SEMA3C: variants seen among roughly 807,000 people sequenced by gnomAD.
The protein encoded by SEMA3C is semaphorin 3C.
Under a neutral mutation model 89.4 loss-of-function variants are expected in SEMA3C, and 47 were observed. The ratio of observed to expected loss-of-function variants is 0.53; its 90% confidence interval spans 0.42 to 0.67. The LOEUF is 0.67. Ranked by LOEUF, SEMA3C falls within the 30% of genes least tolerant of loss-of-function variation. The pLI is 0.00. For missense variants in SEMA3C, 839 were observed against 929.1 expected, an observed-to-expected ratio of 0.90 and a Z score of 1.26; for synonymous variants, 310 against 320.2, an observed-to-expected ratio of 0.97 and a Z score of 0.34.
intron 2 of SEMA3C, among the ~76,000 whole-genome samples, chr7:80,898,258 C>T (rs1439506820): frequency 5.3e-5 from 8 of 152,072 alleles, no homozygotes; most frequent in Admixed American, 1.3e-4. Flanking sequence ...CCCAGCTACT[C>T]GGGAGGCTGG....
chr7:80,839,389 A>G (rs901658081), intron 2 of SEMA3C, among the ~76,000 whole-genome samples: 1 of 152,166 alleles, frequency 6.6e-6, no homozygotes, highest in African/African-American at 2.4e-5. Context: ...CAGTGGTTCC[A>G]GGATGGTTAA....
chr7:80,767,953 C>A (rs571825665), intron 12 of SEMA3C, among the ~76,000 whole-genome samples: 2 of 151,982 alleles, frequency 1.3e-5, no homozygotes, highest in Non-Finnish European at 2.9e-5. Flanking sequence ...TAAAACACAG[C>A]AAACTGAAAA....
chr7:80,892,323 T>G (rs1791634578), intron 2 of SEMA3C, among the ~76,000 whole-genome samples: 1 of 152,118 alleles, frequency 6.6e-6, no homozygotes, highest in South Asian at 2.1e-4. Flanking sequence ...TAAAATGTAT[T>G]TACAGAGAGA....
intron 4 of SEMA3C, among the ~76,000 whole-genome samples, chr7:80,818,998 T>C (rs950012285): frequency 1.1e-4 from 17 of 152,196 alleles, no homozygotes; most frequent in Admixed American, 1.1e-3. Flanking sequence ...GCATCCTTAC[T>C]GAGAAAAACA....
At position 80,744,852 on chromosome 7, in the gene SEMA3C, G is replaced by C. The variant is rs369151692; in HGVS notation, c.*42C>G. The C allele has an allele frequency of 6.2e-7, 1 of 1,603,842 alleles. No homozygotes were observed. The highest frequency in any genetic ancestry group is 8.5e-7 in the Non-Finnish European group (1 of 1,171,820). ...GCTCAAAATTTGATCATTGAAGACAGAGCATTTGTTAATGGAAGCATAAGA... is the reference window on the plus strand; with the variant it reads ...GCTCAAAATTTGATCATTGAAGACACAGCATTTGTTAATGGAAGCATAAGA... On this transcript the variant is annotated 3_prime_UTR_variant, in exon 18 of 18. Transcript: ENST00000265361.
chr7:80,882,397 A>C (rs1791363544), intron 2 of SEMA3C, among the ~76,000 whole-genome samples: 1 of 140,386 alleles, frequency 7.1e-6, no homozygotes, highest in Non-Finnish European at 1.5e-5. Context: ...TACATTCTGG[A>C]ATTTGTAAGG....
intron 2 of SEMA3C, among the ~76,000 whole-genome samples, chr7:80,873,537 A>T (rs1368173234): frequency 6.6e-6 from 1 of 152,172 alleles, no homozygotes; most frequent in African/African-American, 2.4e-5. Context: ...ATGTGGGGCA[A>T]GGAGAACTGA....
chr7:80,785,019 C>T (rs1416285064), intron 12 of SEMA3C, among the ~76,000 whole-genome samples: 2 of 152,112 alleles, frequency 1.3e-5, no homozygotes, highest in African/African-American at 4.8e-5. Flanking sequence ...CTTCCTCTTT[C>T]CCTTCCTCCC....
chr7:80,815,924 T>C (rs1789596635), intron 5 of SEMA3C: 1 of 152,120 alleles, frequency 6.6e-6, no homozygotes, highest in Non-Finnish European at 1.5e-5. Flanking sequence ...TTCCAAGAAT[T>C]TGTTGCAAAA....
intron 12 of SEMA3C, among the ~76,000 whole-genome samples, chr7:80,766,445 G>A (rs189852275): frequency 7.2e-5 from 11 of 152,152 alleles, no homozygotes; most frequent in South Asian, 4.1e-4. Context: ...GGCATACGCC[G>A]GGTAAATGAC....
At chr7:80,861,554 A>G (rs941377808) in intron 2 of SEMA3C, among the ~76,000 whole-genome samples, 1 of 152,198 alleles carries the variant, frequency 6.6e-6, no homozygotes, top group Admixed American at 6.5e-5. Flanking sequence ...TTAAAACAAA[A>G]CTGAGCACTG....
At chr7:80,781,988 T>C (rs1554364664) in intron 12 of SEMA3C, among the ~76,000 whole-genome samples, 1 of 152,012 alleles carries the variant, frequency 6.6e-6, no homozygotes, top group South Asian at 2.1e-4. Context: ...TCCATTTTAA[T>C]TAAGAAAAAA....
At chr7:80,747,879 A>G (rs1183523066) in intron 17 of SEMA3C, among the ~76,000 whole-genome samples, 1 of 152,086 alleles carries the variant, frequency 6.6e-6, no homozygotes, top group Non-Finnish European at 1.5e-5. Flanking sequence ...GGGACACACA[A>G]TTTCCTAAAC....
At chr7:80,859,732 A>G (rs1790726274) in intron 2 of SEMA3C, among the ~76,000 whole-genome samples, 1 of 152,124 alleles carries the variant, frequency 6.6e-6, no homozygotes, top group African/African-American at 2.4e-5. Context: ...CTGTCTTTTG[A>G]GTCCACTGCA....
At chr7:80,771,118 C>T (rs1011979226) in intron 12 of SEMA3C, among the ~76,000 whole-genome samples, 1 of 152,186 alleles carries the variant, frequency 6.6e-6, no homozygotes, top group African/African-American at 2.4e-5. Context: ...AAAAATTAAA[C>T]AAGTAAGACA....
intron 2 of SEMA3C, among the ~76,000 whole-genome samples, chr7:80,837,299 T>A (rs1790156402): frequency 6.6e-6 from 1 of 152,192 alleles, no homozygotes; most frequent in African/African-American, 2.4e-5. Flanking sequence ...GAATCGAGAA[T>A]TACCGTATTT....
intron 2 of SEMA3C, among the ~76,000 whole-genome samples, chr7:80,863,571 A>G (rs1350919720): frequency 1.3e-5 from 2 of 151,764 alleles, no homozygotes; most frequent in Non-Finnish European, 2.9e-5. Flanking sequence ...TGCTTATAGC[A>G]GCACAATTCG....
At chr7:80,804,789 G>A (rs1240781425) in intron 7 of SEMA3C, among the ~76,000 whole-genome samples, 1 of 152,102 alleles carries the variant, frequency 6.6e-6, no homozygotes, top group Non-Finnish European at 1.5e-5. Flanking sequence ...CAGATGTACT[G>A]GAGGAATAAT....
At chr7:80,761,184 C>T (rs963935957) in intron 14 of SEMA3C, among the ~76,000 whole-genome samples, 2 of 151,930 alleles carry the variant, frequency 1.3e-5, no homozygotes, top group Non-Finnish European at 2.9e-5. Flanking sequence ...TAAAAGAATA[C>T]ACTGTGCATT....
Sources: allele counts gnomAD v4.1 joint callset (sites outside exome capture counted in the v4.1 genomes callset), GRCh38; gene constraint gnomAD v4.1.1; transcripts MANE v1.5; gene names NCBI Gene and HGNC (gene_info 2026-07-23, HGNC 2026-07-21).